Variants in SLC26A5 observed in about 807,000 individuals in gnomAD.
SLC26A5 encodes prestin.
In SLC26A5, 51 loss-of-function variants were observed where a neutral mutation model predicts 81.0. The ratio of observed to expected loss-of-function variants is 0.63; its 90% CI spans 0.50 to 0.80. The LOEUF (loss-of-function observed/expected upper bound fraction) is 0.80. Ranked by LOEUF, SLC26A5 falls within the 30% of genes least tolerant of loss-of-function variation. The pLI is 0.00. For synonymous variants in SLC26A5, 325 were observed against 332.8 expected (o/e 0.98, Z 0.25); for missense variants, 771 against 905.8 (o/e 0.85, Z 1.91).
chr7:103,369,630 GGT>G (rs1820912639), downstream of SLC26A5, among the ~76,000 whole-genome samples: 1 of 152,134 alleles, frequency 6.6e-6, no homozygotes, highest in African/African-American at 2.4e-5. Flanking sequence ...ACATTGCCTA[GGT>G]CAGCATGTTT....
At chr7:103,376,937 T>C in intron 18 of SLC26A5, 75 bp from the exon 19 acceptor site, 2 of 1,021,950 alleles carry the variant, frequency 2.0e-6, no homozygotes, top group Non-Finnish European at 3.1e-6. Context: ...ACCAATGTTT[T>C]TCGTGATAGA....
intron 19 of SLC26A5, 50 bp from the exon 20 acceptor site, chr7:103,374,642 C>G: frequency 6.6e-7 from 1 of 1,524,470 alleles, no homozygotes; most frequent in South Asian, 1.2e-5. Flanking sequence ...TATCAGTCTT[C>G]AACAATTAAA....
At position 103,424,822 on chromosome 7, in the gene SLC26A5, A is replaced by G. The variant is rs182857880; in HGVS notation, c.-53-3255T>C. ...GTGACAAAATGTGGCCAATCACCAC[A>G]ATGGTCTGGGGAGGGCTTGAATTAC... On this transcript the variant is annotated intron_variant, in intron 2 of 19. Coordinates refer to ENST00000306312, the MANE Select transcript of SLC26A5 (RefSeq NM_198999.3). Among the ~76,000 whole-genome samples, 6 of 152,324 alleles carry G rather than the reference A, an allele frequency of 3.9e-5. No individual in the cohort carries two copies. In the East Asian group the frequency reaches 9.7e-4, roughly 25 times the overall value.
At chr7:103,411,703 G>T in intron 5 of SLC26A5, 117 bp from the exon 6 acceptor site, 2 of 1,141,282 alleles carry the variant, frequency 1.8e-6, no homozygotes, top group Middle Eastern at 2.2e-4. Context: ...GGAAGGCTAC[G>T]CTCCCTTCTT....
intron 6 of SLC26A5, 134 bp downstream of exon 6, chr7:103,411,286 G>T: frequency 1.1e-6 from 1 of 945,068 alleles, no homozygotes; most frequent in Non-Finnish European, 1.6e-6. Flanking sequence ...CAGTTGGTCT[G>T]CAGTTACTCC....
At chr7:103,439,269 GA>G (rs1826691853) in intron 2 of SLC26A5, among the ~76,000 whole-genome samples, 1 of 152,086 alleles carries the variant, frequency 6.6e-6, no homozygotes, top group African/African-American at 2.4e-5. Flanking sequence ...ATTTGGAGAG[GA>G]AAGGAAAACT....
exon 20 of SLC26A5, chr7:103,352,739 T>C: frequency 1.4e-6 from 1 of 734,248 alleles, no homozygotes; most frequent in South Asian, 1.5e-5. Flanking sequence ...GGTAGATTCA[T>C]TTTTTCTTTA....
chr7:103,438,160 G>T (rs1182384039), intron 2 of SLC26A5, among the ~76,000 whole-genome samples: 3 of 151,942 alleles, frequency 2.0e-5, no homozygotes, highest in Non-Finnish European at 2.9e-5. Context: ...AGAACCTGTG[G>T]ATACAAAGGG....
intron 2 of SLC26A5, among the ~76,000 whole-genome samples, chr7:103,429,998 T>C (rs931290930): frequency 6.6e-6 from 1 of 152,066 alleles, no homozygotes; most frequent in African/African-American, 2.4e-5. Flanking sequence ...AAAGGACTCT[T>C]ACACGTTAAT....
At chr7:103,434,433 C>T (rs940142481) in intron 2 of SLC26A5, among the ~76,000 whole-genome samples, 2 of 151,988 alleles carry the variant, frequency 1.3e-5, no homozygotes, top group African/African-American at 4.8e-5. Context: ...CATGTTTTTT[C>T]ATTCACTTGA....
chr7:103,358,921 T>C (rs1163476244), intron 19 of SLC26A5, among the ~76,000 whole-genome samples: 1 of 151,966 alleles, frequency 6.6e-6, no homozygotes, highest in Non-Finnish European at 1.5e-5. Context: ...CCATTGATTT[T>C]AGTCTCATAC....
intron 16 of SLC26A5, among the ~76,000 whole-genome samples, chr7:103,378,944 A>C (rs1033036033): frequency 1.3e-5 from 2 of 152,138 alleles, no homozygotes; most frequent in African/African-American, 4.8e-5. Flanking sequence ...AGAAACCTAA[A>C]ATTATTTTCT....
chr7:103,414,404 T>C (rs1427008610), intron 4 of SLC26A5, among the ~76,000 whole-genome samples: 1 of 151,982 alleles, frequency 6.6e-6, no homozygotes, highest in Non-Finnish European at 1.5e-5. Context: ...CTTGAACTCC[T>C]AGGCTCAGGC....
chr7:103,353,211 C>A (rs1819825764), intron 19 of SLC26A5, among the ~76,000 whole-genome samples: 1 of 151,898 alleles, frequency 6.6e-6, no homozygotes, highest in Non-Finnish European at 1.5e-5. Context: ...ACATTATATC[C>A]TTTTTTTTAA....
At chr7:103,431,145 C>A (rs1826052934) in intron 2 of SLC26A5, among the ~76,000 whole-genome samples, 1 of 152,150 alleles carries the variant, frequency 6.6e-6, no homozygotes, top group Non-Finnish European at 1.5e-5. Flanking sequence ...GAAAAGAGTT[C>A]TCTAAGCAAA....
At chr7:103,353,909 C>T in intron 19 of SLC26A5, 1 of 1,601,594 alleles carries the variant, frequency 6.2e-7, no homozygotes, top group Non-Finnish European at 8.5e-7. Context: ...CGTATTGTCT[C>T]TCTTCTTTCA....
rs565759124 is a variant in SLC26A5, at chr7:103,356,572, G to A, written c.2042-3646C>T. Among the ~76,000 whole-genome samples, 97 of 152,284 alleles carry A rather than the reference G, an allele frequency of 6.4e-4. 1 individual carries two copies. Among genetic ancestry groups the A allele is most frequent in the African/African-American group, 2.2e-3 (93 of 41,560 alleles). On this transcript the variant is annotated intron_variant, in intron 19 of 19. Transcript: ENST00000339444. ...TTAATTTGTACTGTGTTGATTACTA[G>A]TATGATAGCTACTTCTTTTGTTTAC...
At chr7:103,382,346 CTTTTTTTTTTT>C (rs755840628) in intron 14 of SLC26A5, among the ~76,000 whole-genome samples, 3 of 114,348 alleles carry the variant, frequency 2.6e-5, no homozygotes, top group Non-Finnish European at 5.3e-5. Context: ...GCCCTATTTC[CTTTTTTTTTTT>C]TTTTTTTTTT....
In SLC26A5 at chr7:103,393,074, G is replaced by A; in HGVS notation, c.972-8C>T. ...TTGGCTGGAGGTAGCAGCCTGAAAA[G>A]TCAAGCTGCCTTTAACTTGTGTTGT... On this transcript the variant is annotated splice_polypyrimidine_tract_variant and splice_region_variant and intron_variant, in intron 9 of 19. Transcript: ENST00000306312. The A allele has an allele frequency of 6.2e-7, 1 of 1,613,904 alleles. No homozygotes were observed. The highest frequency in any genetic ancestry group is 8.5e-7 in the Non-Finnish European group (1 of 1,179,830).
Sources: allele counts gnomAD v4.1 joint callset (sites outside exome capture counted in the v4.1 genomes callset), GRCh38; gene constraint gnomAD v4.1.1; transcripts MANE v1.5; gene names NCBI Gene and HGNC (gene_info 2026-07-23, HGNC 2026-07-21).